Variants in RBFOX1 observed in about 807,000 individuals in gnomAD.
RBFOX1 encodes the protein RNA binding fox-1 homolog 1, also known as RNA binding protein fox-1 homolog 1.
RBFOX1 carries 8 observed loss-of-function variants against 57.7 expected under a neutral mutation model. The ratio of observed to expected loss-of-function variants is 0.14; its 90% CI spans 0.08 to 0.25. RBFOX1 has a LOEUF of 0.25. Ranked by LOEUF, RBFOX1 falls within the 10% of genes least tolerant of loss-of-function variation. RBFOX1 has a pLI of 1.00. For missense variants in RBFOX1, 611 were observed against 548.5 expected (o/e 1.11, Z -1.14); for synonymous variants, 326 against 222.4 (o/e 1.47, Z -4.15).
intron 3 of RBFOX1, among the ~76,000 whole-genome samples, chr16:7,028,496 A>T (rs932682370): frequency 2.7e-4 from 40 of 149,550 alleles, no homozygotes; most frequent in African/African-American, 9.8e-4. Flanking sequence ...CTGAGGCAGG[A>T]GAATCGCTTG....
At chr16:7,417,563 C>T (rs980543822) in intron 4 of RBFOX1, among the ~76,000 whole-genome samples, 1 of 95,718 alleles carries the variant, frequency 1.0e-5, no homozygotes, top group Non-Finnish European at 2.1e-5. Flanking sequence ...TGTGTGTGTT[C>T]ACTTCTCTGC....
intron 4 of RBFOX1, among the ~76,000 whole-genome samples, chr16:5,885,093 C>G (rs1033535228): frequency 4.1e-4 from 62 of 152,226 alleles, no homozygotes; most frequent in Non-Finnish European, 2.4e-4. Flanking sequence ...GAGCATTCTC[C>G]AAATGGAGAA....
chr16:5,619,043 C>G (rs1159471735), intron 3 of RBFOX1, among the ~76,000 whole-genome samples: 3 of 152,158 alleles, frequency 2.0e-5, no homozygotes, highest in East Asian at 1.9e-4. Flanking sequence ...TGCCCCTGGA[C>G]AGGACAAAAT....
chr16:5,774,790 C>T (rs2054092483), intron 3 of RBFOX1, among the ~76,000 whole-genome samples: 1 of 152,186 alleles, frequency 6.6e-6, no homozygotes, highest in Non-Finnish European at 1.5e-5. Flanking sequence ...TCAAGCAATT[C>T]TCCTGCCTCA....
At chr16:5,639,449 C>G (rs977967791) in intron 3 of RBFOX1, among the ~76,000 whole-genome samples, 1 of 152,014 alleles carries the variant, frequency 6.6e-6, no homozygotes, top group Non-Finnish European at 1.5e-5. Context: ...TGATATGAAT[C>G]AAGACTTCTT....
At chr16:6,771,741 T>A (rs2154212790) in intron 3 of RBFOX1, among the ~76,000 whole-genome samples, 1 of 152,336 alleles carries the variant, frequency 6.6e-6, no homozygotes, top group South Asian at 2.1e-4. Context: ...AGGCCAGGGA[T>A]GCTGTTTAAC....
chr16:6,410,841 C>A (rs1375074250), intron 2 of RBFOX1, among the ~76,000 whole-genome samples: 1 of 152,150 alleles, frequency 6.6e-6, no homozygotes, highest in Non-Finnish European at 1.5e-5. Flanking sequence ...GTGGTCTGCA[C>A]CATTCGGCAT....
chr16:6,159,389 T>C (rs577459501), intron 1 of RBFOX1, among the ~76,000 whole-genome samples: 2 of 152,100 alleles, frequency 1.3e-5, no homozygotes. Context: ...TGTCATAGGT[T>C]TTTGGGGGGA....
chr16:6,924,401 A>G (rs2075134774), intron 3 of RBFOX1, among the ~76,000 whole-genome samples: 1 of 151,818 alleles, frequency 6.6e-6, no homozygotes, highest in Admixed American at 6.6e-5. Flanking sequence ...CCTTTAAACA[A>G]CCAGATCTCG....
chr16:7,278,641 C>T (rs564092059), intron 4 of RBFOX1, among the ~76,000 whole-genome samples: 1 of 152,234 alleles, frequency 6.6e-6, no homozygotes, highest in African/African-American at 2.4e-5. Flanking sequence ...AGTCTTTTTG[C>T]AAGTCTGCAA....
At chr16:6,923,193 A>C (rs2074864918) in intron 3 of RBFOX1, among the ~76,000 whole-genome samples, 1 of 152,170 alleles carries the variant, frequency 6.6e-6, no homozygotes. Flanking sequence ...CCTGGTCTTC[A>C]GTTGCCTGCC....
At chr16:6,816,215 G>A (rs1411037597) in intron 3 of RBFOX1, among the ~76,000 whole-genome samples, 2 of 152,186 alleles carry the variant, frequency 1.3e-5, no homozygotes, top group Non-Finnish European at 1.5e-5. Context: ...GGAGACTGAG[G>A]TGAGGATTGC....
chr16:7,086,267 A>G (rs939622087), intron 4 of RBFOX1, among the ~76,000 whole-genome samples: 4 of 152,300 alleles, frequency 2.6e-5, no homozygotes, highest in Middle Eastern at 3.4e-3. Flanking sequence ...TTAAATCAAC[A>G]AGGGGCTCGG....
intron 3 of RBFOX1, among the ~76,000 whole-genome samples, chr16:5,720,647 T>G (rs1040918868): frequency 7.2e-5 from 11 of 152,216 alleles, no homozygotes; most frequent in African/African-American, 2.4e-4. Context: ...TTCTCTTGTG[T>G]GCAGTTATCC....
intron 4 of RBFOX1, among the ~76,000 whole-genome samples, chr16:5,964,892 G>A (rs1193812908): frequency 6.6e-6 from 1 of 152,006 alleles, no homozygotes; most frequent in Non-Finnish European, 1.5e-5. Context: ...AAAATGTGGT[G>A]TGTGTATATA....
chr16:6,490,110 T>G (rs1192435211), intron 2 of RBFOX1, among the ~76,000 whole-genome samples: 1 of 152,230 alleles, frequency 6.6e-6, no homozygotes, highest in African/African-American at 2.4e-5. Context: ...GTTCCACATT[T>G]AGGCCACGGG....
intron 4 of RBFOX1, among the ~76,000 whole-genome samples, chr16:7,104,688 C>T (rs1214750872): frequency 6.6e-6 from 1 of 152,122 alleles, no homozygotes; most frequent in East Asian, 1.9e-4. Context: ...GTTACATATT[C>T]ATGGTCAGTG....
At chr16:6,372,066 G>T (rs1422055653) in intron 2 of RBFOX1, among the ~76,000 whole-genome samples, 1 of 152,182 alleles carries the variant, frequency 6.6e-6, no homozygotes, top group Admixed American at 6.5e-5. Context: ...GGTTGGTTAG[G>T]ATCATTGGGT....
At chr16:6,424,557 C>T (rs77515067) in intron 2 of RBFOX1, among the ~76,000 whole-genome samples, 1 of 151,872 alleles carries the variant, frequency 6.6e-6, no homozygotes. Context: ...TCCAACTTCA[C>T]TTGTTAATAG....
Sources: allele counts gnomAD v4.1 joint callset (sites outside exome capture counted in the v4.1 genomes callset), GRCh38; gene constraint gnomAD v4.1.1; transcripts MANE v1.5; gene names NCBI Gene and HGNC (gene_info 2026-07-23, HGNC 2026-07-21).